USP42: variants seen among roughly 807,000 people sequenced by gnomAD.
The protein encoded by USP42 is ubiquitin specific peptidase 42.
A neutral mutation model predicts 113.0 loss-of-function variants in USP42; 23 were observed. That is an observed-to-expected ratio of 0.20 (90% confidence interval 0.15 to 0.29). USP42 has a LOEUF of 0.29. Among genes scored for constraint, USP42 ranks in the 10% least tolerant of loss-of-function variants. The probability of loss-of-function intolerance (pLI) is 1.00; values close to 1 mark genes in which losing one functional copy is unlikely to be tolerated. For missense variants in USP42, 2,174 were observed against 1,779.8 expected (o/e 1.22, Z -3.99); for synonymous variants, 933 against 699.0 (o/e 1.33, Z -5.28).
chr7:6,141,538 T>C (rs532972578), intron 7 of USP42, among the ~76,000 whole-genome samples: 148 of 152,090 alleles, frequency 9.7e-4, no homozygotes, highest in African/African-American at 3.4e-3. Flanking sequence ...ATTTTCTATA[T>C]TAGCCAAGTA....
intron 3 of USP42, among the ~76,000 whole-genome samples, chr7:6,131,982 G>A (rs1056578115): frequency 1.3e-5 from 2 of 152,206 alleles, no homozygotes; most frequent in African/African-American, 4.8e-5. Flanking sequence ...ACCCAGGCTA[G>A]AGTGCAGTGG....
At chr7:6,134,286 A>G (rs754084839) in intron 3 of USP42, among the ~76,000 whole-genome samples, 1 of 151,930 alleles carries the variant, frequency 6.6e-6, no homozygotes, top group Non-Finnish European at 1.5e-5. Flanking sequence ...TCTTCTGATT[A>G]TATTTTCTGT....
At chr7:6,151,891 A>T (rs992915028) in intron 14 of USP42, among the ~76,000 whole-genome samples, 1 of 152,098 alleles carries the variant, frequency 6.6e-6, no homozygotes, top group African/African-American at 2.4e-5. Flanking sequence ...CAGTGACGGG[A>T]GTTTTCAGCT....
At chr7:6,120,121 C>T (rs1780137094) in intron 3 of USP42, among the ~76,000 whole-genome samples, 1 of 152,152 alleles carries the variant, frequency 6.6e-6, no homozygotes, top group Middle Eastern at 3.2e-3. Flanking sequence ...CCTGCCACCA[C>T]GCCGGCTAAT....
the USP42 span, chr7:6,084,768 G>C: frequency 6.7e-6 from 1 of 150,200 alleles, no homozygotes; most frequent in East Asian, 1.9e-4. Flanking sequence ...ACCCAGCCTG[G>C]AGTGCAGTGG....
intron 4 of USP42, among the ~76,000 whole-genome samples, chr7:6,136,804 T>G (rs995027003): frequency 2.0e-5 from 3 of 151,588 alleles, no homozygotes; most frequent in Admixed American, 2.0e-4. Context: ...TTTTTTCGGT[T>G]CTTCTTTTTT....
the USP42 span, among the ~76,000 whole-genome samples, chr7:6,090,136 A>G: frequency 6.7e-6 from 1 of 148,422 alleles, no homozygotes; most frequent in African/African-American, 2.6e-5. Context: ...CCCCGCCTCT[A>G]CTAAAAACAC....
chr7:6,151,902 A>G (rs1583678877), intron 14 of USP42, among the ~76,000 whole-genome samples: 1 of 152,250 alleles, frequency 6.6e-6, no homozygotes, highest in Middle Eastern at 3.4e-3. Flanking sequence ...GTTTTCAGCT[A>G]TGTTGTGATC....
rs1781940126 is a variant in USP42, at chr7:6,149,905, C to T, written c.1709C>T (p.Ser570Phe). ...GCAGTACAGTCTACCTCGAACGCATCTACGATGTCAGTTTCTAGTAAAGTA... is the reference window on the plus strand; with the variant it reads ...GCAGTACAGTCTACCTCGAACGCATTTACGATGTCAGTTTCTAGTAAAGTA... The part of the protein sequence containing the change: ...NSAVQSTSNA[S>F]TMSVSSKVTK... Residue 570 changes from serine (S) to phenylalanine (F), a missense_variant, in exon 13 of 18, where the codon TCT (serine) becomes TTT (phenylalanine). Ser to Phe is a radical substitution (Grantham distance 155). Coordinates refer to ENST00000306177, the MANE Select transcript of USP42 (RefSeq NM_032172.3). 1 of 1,613,914 alleles carries T rather than the reference C, an allele frequency of 6.2e-7. No homozygotes were observed. Among genetic ancestry groups the T allele is most frequent in the Non-Finnish European group, 8.5e-7 (1 of 1,179,902 alleles).
intron 9 of USP42, among the ~76,000 whole-genome samples, chr7:6,144,973 A>T (rs554466909): frequency 6.6e-6 from 1 of 152,330 alleles, no homozygotes; most frequent in African/African-American, 2.4e-5. Flanking sequence ...AAAGAAAATA[A>T]TAAATGCAGC....
chr7:6,085,357 C>T, the USP42 span: 1 of 150,414 alleles, frequency 6.6e-6, no homozygotes, highest in African/African-American at 2.5e-5. Flanking sequence ...GATCTCCTGA[C>T]CTTCTGATCC....
chr7:6,160,432 G>C (rs1001942632), intron 17 of USP42, 123 bp from the exon 18 acceptor site: 3 of 134,320 alleles, frequency 2.2e-5, no homozygotes, highest in Non-Finnish European at 3.2e-5. Context: ...AGAGAAGGCA[G>C]AGTGATCTCC....
At chr7:6,134,272 A>C (rs1781009832) in intron 3 of USP42, among the ~76,000 whole-genome samples, 2 of 151,332 alleles carry the variant, frequency 1.3e-5, no homozygotes, top group Non-Finnish European at 2.9e-5. Flanking sequence ...TTTTAAAGTT[A>C]TTGTCTTCTG....
In USP42 at chr7:6,119,065, AT is replaced by A. The variant is rs1356338051; in HGVS notation, c.442+3544del. Among the ~76,000 whole-genome samples, 4 of 151,402 alleles carry A rather than the reference AT, an allele frequency of 2.6e-5. 1 individual carries two copies. The highest frequency in any genetic ancestry group is 5.9e-5 in the Non-Finnish European group (4 of 67,876). ...CCCTGTCTCTCCAAAAAAAAAAAAAATTAGCTGCATCTGGGAACTCATGCCT... is the reference window on the plus strand; with the variant it reads ...CCCTGTCTCTCCAAAAAAAAAAAAAATAGCTGCATCTGGGAACTCATGCCT... On this transcript the variant is annotated intron_variant, in intron 3 of 17. Coordinates refer to ENST00000306177, the MANE Select transcript of USP42 (RefSeq NM_032172.3).
chr7:6,152,486 C>A (rs1277456352), intron 14 of USP42, among the ~76,000 whole-genome samples: 2 of 152,212 alleles, frequency 1.3e-5, no homozygotes, highest in Non-Finnish European at 2.9e-5. Context: ...ACTGTGGCAA[C>A]CCCAGAATGG....
intron 3 of USP42, among the ~76,000 whole-genome samples, chr7:6,134,126 C>T (rs533505154): frequency 2.0e-5 from 3 of 152,138 alleles, no homozygotes; most frequent in South Asian, 2.1e-4. Flanking sequence ...CTCCTGACCT[C>T]GTGATCTGCC....
chr7:6,142,909 G>A (rs762871519), intron 7 of USP42, 23 bp from the exon 8 acceptor site: 2 of 1,613,140 alleles, frequency 1.2e-6, no homozygotes, highest in Non-Finnish European at 8.5e-7. Flanking sequence ...GTGATGTGGT[G>A]TTTGTGCCTC....
At chr7:6,131,638 G>A (rs1780857323) in intron 3 of USP42, among the ~76,000 whole-genome samples, 1 of 152,166 alleles carries the variant, frequency 6.6e-6, no homozygotes, top group Non-Finnish European at 1.5e-5. Flanking sequence ...GGGCTTGGTT[G>A]CCTGCAGTTG....
intron 14 of USP42, among the ~76,000 whole-genome samples, chr7:6,152,438 C>T (rs929366834): frequency 2.0e-5 from 3 of 152,124 alleles, no homozygotes; most frequent in African/African-American, 7.2e-5. Context: ...TTGGCACTCA[C>T]CTGTGGGGGT....
Sources: gnomAD v4.1 joint callset for allele counts (sites outside exome capture counted in the v4.1 genomes callset) on GRCh38, gnomAD v4.1.1 for gene constraint, MANE v1.5 for transcripts, NCBI Gene and HGNC (gene_info 2026-07-23, HGNC 2026-07-21) for gene names.